Variants in IL23R observed in about 807,000 individuals in gnomAD.
IL23R encodes the protein interleukin-23 receptor.
In IL23R, 34 loss-of-function variants were observed where a neutral mutation model predicts 56.9. The ratio of observed to expected loss-of-function variants is 0.60; its 90% CI spans 0.45 to 0.80. The LOEUF (loss-of-function observed/expected upper bound fraction) is 0.80. IL23R is among the 30% of genes least tolerant of loss of function. The pLI is 0.00. For missense variants in IL23R, 635 were observed against 730.0 expected (o/e 0.87, Z 1.50); for synonymous variants, 230 against 249.2 (o/e 0.92, Z 0.73).
intron 10 of IL23R, among the ~76,000 whole-genome samples, chr1:67,257,091 G>A (rs752114636): frequency 3.0e-4 from 45 of 152,130 alleles, no homozygotes; most frequent in South Asian, 4.1e-4. Context: ...AAATTGGAAT[G>A]ACACTTCATG....
Position 67,215,916 on chromosome 1 carries a change from G to A in IL23R, c.799-3658G>A, listed in dbSNP as rs373660123. Among the ~76,000 whole-genome samples, 9 of 152,150 alleles carry A rather than the reference G, an allele frequency of 5.9e-5. No individual in the cohort carries two copies. The East Asian group carries it at 1.4e-3, about 23-fold the overall frequency. On this transcript the variant is annotated intron_variant, in intron 6 of 10. Transcript: ENST00000347310. ...TTTTTCTGCCAATTCCCTAAACATT[G>A]ACATTCCCTTCATACCTACCATCTC...
chr1:67,208,668 G>T (rs1447325267), intron 6 of IL23R, among the ~76,000 whole-genome samples: 1 of 152,232 alleles, frequency 6.6e-6, no homozygotes, highest in East Asian at 1.9e-4. Context: ...GTATGGAAAT[G>T]CCTGGATGGC....
intron 4 of IL23R, among the ~76,000 whole-genome samples, chr1:67,195,216 A>T (rs1648045863): frequency 6.6e-6 from 1 of 152,054 alleles, no homozygotes; most frequent in African/African-American, 2.4e-5. Flanking sequence ...TATTTTTAGT[A>T]GAGACAGGGT....
At chr1:67,150,247 A>G (rs1350159614) in intron 1 of IL23R, among the ~76,000 whole-genome samples, 2 of 98,878 alleles carry the variant, frequency 2.0e-5, no homozygotes, top group East Asian at 6.7e-4. Context: ...GGCATTTCGA[A>G]CTTTTTTTTT....
chr1:67,178,201 C>T (rs1277114726), intron 3 of IL23R, among the ~76,000 whole-genome samples: 1 of 151,928 alleles, frequency 6.6e-6, no homozygotes, highest in Admixed American at 6.6e-5. Flanking sequence ...CTATAAATTA[C>T]CTTGGGCAGT....
intron 9 of IL23R, among the ~76,000 whole-genome samples, chr1:67,252,421 A>G (rs1046576741): frequency 6.6e-6 from 1 of 152,162 alleles, no homozygotes; most frequent in African/African-American, 2.4e-5. Flanking sequence ...ATCAAATCCA[A>G]TCCTGGACCC....
In IL23R at chr1:67,168,110, T is replaced by C. The variant is rs1199414088; in HGVS notation, c.-11T>C. The C allele has an allele frequency of 6.3e-7, 1 of 1,595,884 alleles. No homozygotes were observed. Among genetic ancestry groups the C allele is most frequent in the Admixed American group, 1.7e-5 (1 of 60,000 alleles). On this transcript the variant is annotated 5_prime_UTR_variant, in exon 2 of 11. Coordinates refer to ENST00000347310, the MANE Select transcript of IL23R (RefSeq NM_144701.3). ...TTTCCAGAGGGAAACAGTCTTTTCCTGCTTCCAGACATGAATCAGGTCACT... is the reference window on the plus strand; with the variant it reads ...TTTCCAGAGGGAAACAGTCTTTTCCCGCTTCCAGACATGAATCAGGTCACT...
At chr1:67,232,762 G>C (rs1006983538) in intron 7 of IL23R, among the ~76,000 whole-genome samples, 2 of 152,106 alleles carry the variant, frequency 1.3e-5, no homozygotes, top group Non-Finnish European at 2.9e-5. Context: ...TGATGATATG[G>C]TTTGGCTGTG....
intron 6 of IL23R, among the ~76,000 whole-genome samples, chr1:67,211,479 C>G (rs1649465125): frequency 6.6e-6 from 1 of 152,004 alleles, no homozygotes; most frequent in South Asian, 2.1e-4. Flanking sequence ...AAAATTTAGC[C>G]AAGCCTGGTG....
chr1:67,193,470 A>G (rs1647895703), intron 4 of IL23R, among the ~76,000 whole-genome samples: 1 of 152,242 alleles, frequency 6.6e-6, no homozygotes, highest in African/African-American at 2.4e-5. Context: ...TGATTAAATG[A>G]ATGAAAGACA....
chr1:67,146,686 T>C (rs540970544), intron 1 of IL23R, among the ~76,000 whole-genome samples: 1 of 152,366 alleles, frequency 6.6e-6, no homozygotes, highest in South Asian at 2.1e-4. Flanking sequence ...AGGTATTTCA[T>C]GTAATCAGAT....
At chr1:67,168,628 GA>G (rs1247968213) in intron 2 of IL23R, among the ~76,000 whole-genome samples, 1 of 152,052 alleles carries the variant, frequency 6.6e-6, no homozygotes, top group African/African-American at 2.4e-5. Flanking sequence ...AAACTTTACT[GA>G]AAAAAGTAGG....
intron 1 of IL23R, among the ~76,000 whole-genome samples, chr1:67,151,170 C>A (rs1329946058): frequency 6.6e-6 from 1 of 152,210 alleles, no homozygotes; most frequent in East Asian, 1.9e-4. Flanking sequence ...AATGGTAACT[C>A]ATTGTGGTTT....
chr1:67,206,629 G>T (rs888761194), intron 5 of IL23R, among the ~76,000 whole-genome samples: 2 of 150,564 alleles, frequency 1.3e-5, no homozygotes, highest in South Asian at 2.1e-4. Context: ...TATTAGTTAG[G>T]ATTGTAAGGG....
chr1:67,232,693 A>G (rs1286293727), intron 7 of IL23R, among the ~76,000 whole-genome samples: 2 of 152,190 alleles, frequency 1.3e-5, no homozygotes, highest in Non-Finnish European at 2.9e-5. Context: ...CTGTGACATA[A>G]TTAATACTCA....
intron 1 of IL23R, among the ~76,000 whole-genome samples, chr1:67,139,670 T>C (rs1471470929): frequency 6.6e-6 from 1 of 152,256 alleles, no homozygotes; most frequent in Non-Finnish European, 1.5e-5. Flanking sequence ...TGTTGAACTT[T>C]AATCTCCAGT....
intron 9 of IL23R, among the ~76,000 whole-genome samples, chr1:67,255,269 C>T (rs986260010): frequency 2.0e-5 from 3 of 151,992 alleles, no homozygotes; most frequent in African/African-American, 7.2e-5. Context: ...GTGGTTCTCC[C>T]ACTTATCTTG....
chr1:67,221,484 T>C (rs945236175), intron 7 of IL23R, among the ~76,000 whole-genome samples: 3 of 152,250 alleles, frequency 2.0e-5, no homozygotes, highest in Non-Finnish European at 4.4e-5. Context: ...TCTTTAGATA[T>C]TTTCCTGCTT....
At chr1:67,246,184 A>G (rs1213168603) in intron 9 of IL23R, among the ~76,000 whole-genome samples, 1 of 151,972 alleles carries the variant, frequency 6.6e-6, no homozygotes, top group Non-Finnish European at 1.5e-5. Context: ...TATTGCATCT[A>G]TTTGATTCTT....
Sources: allele counts gnomAD v4.1 joint callset (sites outside exome capture counted in the v4.1 genomes callset), GRCh38; gene constraint gnomAD v4.1.1; transcripts MANE v1.5; gene names NCBI Gene and HGNC (gene_info 2026-07-23, HGNC 2026-07-21).